NOX3: variants seen among roughly 807,000 people sequenced by gnomAD.
NOX3 encodes the protein NADPH oxidase catalytic subunit-like 3.
A neutral mutation model predicts 76.7 loss-of-function variants in NOX3; 74 were observed. The ratio of observed to expected loss-of-function variants is 0.96; its 90% confidence interval spans 0.80 to 1.17. The LOEUF is 1.17. NOX3 is among the 50% of genes most tolerant of loss of function. The probability of loss-of-function intolerance (pLI) is 0.00; values close to 1 mark genes in which losing one functional copy is unlikely to be tolerated. For missense variants in NOX3, 695 were observed against 703.3 expected, an observed-to-expected ratio of 0.99 and a Z score of 0.13; for synonymous variants, 263 against 261.1, an observed-to-expected ratio of 1.01 and a Z score of -0.07.
chr6:155,398,773 G>C (rs934167541), intron 12 of NOX3, among the ~76,000 whole-genome samples: 1 of 152,134 alleles, frequency 6.6e-6, no homozygotes, highest in Non-Finnish European at 1.5e-5. Context: ...GTAACTTTGG[G>C]CATGTCAATT....
intron 12 of NOX3, among the ~76,000 whole-genome samples, chr6:155,402,527 C>T (rs1779245169): frequency 6.6e-6 from 1 of 152,106 alleles, no homozygotes; most frequent in Non-Finnish European, 1.5e-5. Flanking sequence ...TTTTTCTTCT[C>T]TCTCCCTTAT....
At chr6:155,449,717 A>C (rs931764831) in intron 4 of NOX3, among the ~76,000 whole-genome samples, 32 of 152,316 alleles carry the variant, frequency 2.1e-4, no homozygotes, top group African/African-American at 7.7e-4. Context: ...AGTTCAGCTT[A>C]CAGGGGAACG....
chr6:155,444,011 G>A (rs777086604), intron 4 of NOX3, among the ~76,000 whole-genome samples: 143 of 152,170 alleles, frequency 9.4e-4, no homozygotes, highest in Non-Finnish European at 1.7e-3. Context: ...TTAAGAAATC[G>A]GAAAGCATTA....
intron 12 of NOX3, among the ~76,000 whole-genome samples, chr6:155,404,023 A>T (rs1779268249): frequency 6.6e-6 from 1 of 152,102 alleles, no homozygotes; most frequent in Admixed American, 6.5e-5. Flanking sequence ...CTGAAAACCA[A>T]GATATAGATG....
chr6:155,431,416 ACACACAC>A (rs1776831743), intron 7 of NOX3, among the ~76,000 whole-genome samples: 2 of 148,632 alleles, frequency 1.3e-5, no homozygotes, highest in Admixed American at 6.8e-5. Flanking sequence ...ACACAGAAAC[ACACACAC>A]ACACACACAC....
chr6:155,440,210 T>C, intron 5 of NOX3, 73 bp from the exon 6 acceptor site: 1 of 601,994 alleles, frequency 1.7e-6, no homozygotes, highest in Non-Finnish European at 2.3e-6. Context: ...TCCTGGCATA[T>C]TTTTTTTTTT....
At chr6:155,448,963 T>G (rs914213843) in intron 4 of NOX3, among the ~76,000 whole-genome samples, 1 of 152,194 alleles carries the variant, frequency 6.6e-6, no homozygotes, top group African/African-American at 2.4e-5. Context: ...GATCGTTGAC[T>G]CTGGCACCCT....
At chr6:155,443,542 T>A in intron 4 of NOX3, 124 bp from the exon 5 acceptor site, 1 of 1,176,808 alleles carries the variant, frequency 8.5e-7, no homozygotes, top group Non-Finnish European at 1.2e-6. Flanking sequence ...CAAGGAAAAG[T>A]GATGTATTTA....
intron 4 of NOX3, among the ~76,000 whole-genome samples, chr6:155,444,585 G>C (rs750245199): frequency 2.6e-5 from 4 of 152,100 alleles, no homozygotes; most frequent in African/African-American, 9.7e-5. Context: ...TAAGATCTAC[G>C]GTAAGAACAA....
chr6:155,445,392 G>A (rs191957487), intron 4 of NOX3, among the ~76,000 whole-genome samples: 1 of 152,234 alleles, frequency 6.6e-6, no homozygotes, highest in East Asian at 1.9e-4. Context: ...ATGTGATGGG[G>A]AAAAAGAAAC....
chr6:155,431,445 C>CACACACACAT (rs1776832798), intron 7 of NOX3, among the ~76,000 whole-genome samples: 1 of 151,798 alleles, frequency 6.6e-6, no homozygotes, highest in Non-Finnish European at 1.5e-5. Flanking sequence ...CACACACACA[C>CACACACACAT]ACAGTTATTT....
At chr6:155,401,505 AT>A (rs1209677130) in intron 12 of NOX3, among the ~76,000 whole-genome samples, 1 of 152,190 alleles carries the variant, frequency 6.6e-6, no homozygotes, top group Non-Finnish European at 1.5e-5. Context: ...ATTTTAAAAC[AT>A]TTTGCACATA....
intron 12 of NOX3, among the ~76,000 whole-genome samples, chr6:155,399,917 C>T (rs1444101463): frequency 1.3e-5 from 2 of 152,204 alleles, no homozygotes; most frequent in African/African-American, 4.8e-5. Flanking sequence ...AGCCACAGAG[C>T]TTGCACACGC....
intron 13 of NOX3, among the ~76,000 whole-genome samples, chr6:155,396,424 T>A (rs1173991735): frequency 6.6e-5 from 10 of 152,076 alleles, no homozygotes; most frequent in Admixed American, 2.0e-4. Flanking sequence ...CCGTGTTGGA[T>A]GTAATGTAGG....
At chr6:155,444,137 T>G (rs1000107379) in intron 4 of NOX3, among the ~76,000 whole-genome samples, 1 of 152,236 alleles carries the variant, frequency 6.6e-6, no homozygotes, top group African/African-American at 2.4e-5. Flanking sequence ...TGTTTATTCC[T>G]TTCCACATTT....
intron 12 of NOX3, among the ~76,000 whole-genome samples, chr6:155,398,970 G>A (rs892960190): frequency 6.6e-6 from 1 of 152,216 alleles, no homozygotes; most frequent in Non-Finnish European, 1.5e-5. Context: ...GGCTATTGGT[G>A]TCTGCCTGCT....
intron 10 of NOX3, among the ~76,000 whole-genome samples, chr6:155,414,979 G>A (rs1776606163): frequency 6.6e-6 from 1 of 152,066 alleles, no homozygotes; most frequent in African/African-American, 2.4e-5. Flanking sequence ...ACCACTCTGG[G>A]ACTGTCATGG....
At chr6:155,397,454 G>A (rs1779154975) in intron 12 of NOX3, among the ~76,000 whole-genome samples, 1 of 152,214 alleles carries the variant, frequency 6.6e-6, no homozygotes, top group South Asian at 2.1e-4. Context: ...TACGTGACCA[G>A]ATGTTAACTT....
intron 13 of NOX3, among the ~76,000 whole-genome samples, chr6:155,395,992 A>G (rs1486736774): frequency 4.6e-5 from 7 of 152,330 alleles, no homozygotes; most frequent in African/African-American, 1.7e-4. Context: ...ATTTGTAAAT[A>G]TATGGCATAT....
Sources: gnomAD v4.1 joint callset for allele counts (sites outside exome capture counted in the v4.1 genomes callset) on GRCh38, gnomAD v4.1.1 for gene constraint, MANE v1.5 for transcripts, NCBI Gene and HGNC (gene_info 2026-07-23, HGNC 2026-07-21) for gene names.